HYDIN: variants seen among roughly 807,000 people sequenced by gnomAD.
HYDIN encodes axonemal central pair apparatus protein HYDIN.
HYDIN carries 132 observed loss-of-function variants against 403.9 expected under a neutral mutation model. The ratio of observed to expected loss-of-function variants is 0.33; its 90% CI spans 0.28 to 0.38. HYDIN has a LOEUF of 0.38. HYDIN is among the 10% of genes least tolerant of loss of function. The pLI is 1.00. For synonymous variants in HYDIN, 1,202 were observed against 1,891.7 expected, an observed-to-expected ratio of 0.64 and a Z score of 9.46; for missense variants, 2,827 against 5,009.5, an observed-to-expected ratio of 0.56 and a Z score of 13.15.
Position 70,955,600 on chromosome 16 carries a change from C to G in HYDIN, c.6143-52G>C, listed in dbSNP as rs980262855. 1.0e-5 allele frequency: 8 copies of G among 780,426 alleles called. No individual in the cohort carries two copies. The African/African-American group carries it at 1.0e-4, about 10-fold the overall frequency. 48.3% of individuals were successfully genotyped at this position (780,426 alleles called of 1,614,324 possible). On this transcript the variant is annotated intron_variant, in intron 39 of 85. Transcript: ENST00000393567. ...TTCACGGTGCTCATTTGCTCAGTGT[C>G]CCAGAGAGAAAAGGTCTCAAGAGCA...
intron 50 of HYDIN, among the ~76,000 whole-genome samples, chr16:70,904,434 C>T (rs13330263): frequency 0.028 from 3,351 of 118,518 alleles, 88 homozygotes; most frequent in African/African-American, 0.096. Flanking sequence ...TAGATCTATC[C>T]TTACACCTGC....
At chr16:70,813,414 T>A (rs536186740) in intron 84 of HYDIN, among the ~76,000 whole-genome samples, 1 of 152,258 alleles carries the variant, frequency 6.6e-6, no homozygotes, top group East Asian at 1.9e-4. Flanking sequence ...AGCAACCACA[T>A]GAGTGAGTCT....
rs2035127626 is a variant in HYDIN at position 70,806,826 on chromosome 16, AG to A, written c.*753del. ...CACCCCTCTCCAGACCAATTACATCAGATGGGGACTGGGCACGTTCAGAGTG... is the reference window on the plus strand; with the variant it reads ...CACCCCTCTCCAGACCAATTACATCAATGGGGACTGGGCACGTTCAGAGTG... On this transcript the variant is annotated 3_prime_UTR_variant, in exon 86 of 86. Coordinates refer to ENST00000393567, the MANE Select transcript of HYDIN (RefSeq NM_001270974.2). Among the ~76,000 whole-genome samples, 2 of 152,218 alleles carry A rather than the reference AG, an allele frequency of 1.3e-5. No individual in the cohort carries two copies. The highest frequency in any genetic ancestry group is 2.9e-5 in the Non-Finnish European group (2 of 68,050).
chr16:71,064,950 C>T, intron 15 of HYDIN, 110 bp from the exon 16 acceptor site: 1 of 1,040,628 alleles, frequency 9.6e-7, no homozygotes. Context: ...TAGTTTTTCT[C>T]TAATAACCAC....
chr16:70,943,126 C>T (rs2077734688), intron 42 of HYDIN, among the ~76,000 whole-genome samples: 1 of 152,122 alleles, frequency 6.6e-6, no homozygotes, highest in Non-Finnish European at 1.5e-5. Flanking sequence ...AGCAATGTAG[C>T]TGTGTCTGCA....
chr16:70,851,203 CAAAAAAAAAA>C (rs4028101), intron 73 of HYDIN, among the ~76,000 whole-genome samples: 4 of 22,166 alleles, frequency 1.8e-4, no homozygotes, highest in South Asian at 1.6e-3. Flanking sequence ...ATCAATCCTG[CAAAAAAAAAA>C]AAAAAAAAAA....
chr16:71,063,188 G>C (rs1468002078), intron 16 of HYDIN, among the ~76,000 whole-genome samples: 1 of 152,084 alleles, frequency 6.6e-6, no homozygotes, highest in Non-Finnish European at 1.5e-5. Flanking sequence ...CCATTTCTCA[G>C]AGCCTCTGCT....
intron 71 of HYDIN, 115 bp from the exon 72 acceptor site, chr16:70,857,985 C>T (rs1418561779): frequency 2.3e-5 from 27 of 1,193,718 alleles, no homozygotes; most frequent in Non-Finnish European, 3.1e-5. Flanking sequence ...CAGGCTATTG[C>T]TACCTTTCTA....
At chr16:71,222,633 G>C (rs926114945) in intron 1 of HYDIN, among the ~76,000 whole-genome samples, 6 of 152,078 alleles carry the variant, frequency 3.9e-5, no homozygotes, top group Non-Finnish European at 7.4e-5. Flanking sequence ...ATTCAGTAAA[G>C]TCTGAGGTTA....
Position 71,067,825 on chromosome 16 carries a change from T to C in HYDIN, c.1975-435A>G, listed in dbSNP as rs561912353. On this transcript the variant is annotated intron_variant, in intron 14 of 85. Transcript: ENST00000393567. ...AGTAAAATAAATGGAAATAACCATG[T>C]CAGTTCCAGAAAATGGTGTAAGAAA... is the stretch of plus-strand genomic sequence containing the variant. Among the ~76,000 whole-genome samples the C allele has an allele frequency of 8.5e-5, 13 of 152,172 alleles. No individual in the cohort carries two copies. In the South Asian group the frequency reaches 2.7e-3, roughly 32 times the overall value.
intron 18 of HYDIN, among the ~76,000 whole-genome samples, chr16:71,041,432 G>A (rs1256093790): frequency 1.3e-5 from 2 of 152,238 alleles, no homozygotes; most frequent in African/African-American, 4.8e-5. Flanking sequence ...TAAGACACAA[G>A]CATTGCTTAT....
chr16:71,197,793 G>A (rs1008936750), intron 1 of HYDIN, among the ~76,000 whole-genome samples: 2 of 152,128 alleles, frequency 1.3e-5, no homozygotes, highest in African/African-American at 4.8e-5. Context: ...ACCCACCCCG[G>A]CTGGAGTGCA....
intron 18 of HYDIN, among the ~76,000 whole-genome samples, chr16:71,032,449 T>C (rs2080949882): frequency 6.6e-6 from 1 of 151,876 alleles, no homozygotes; most frequent in African/African-American, 2.4e-5. Context: ...TAATAATTAA[T>C]AATTAGCCTC....
chr16:70,949,580 A>C (rs187302710), intron 41 of HYDIN, among the ~76,000 whole-genome samples: 34 of 152,318 alleles, frequency 2.2e-4, no homozygotes, highest in African/African-American at 7.7e-4. Context: ...TCATTATGTA[A>C]TATACTTACA....
chr16:71,157,920 G>A (rs1011791472), intron 6 of HYDIN, among the ~76,000 whole-genome samples: 10 of 146,662 alleles, frequency 6.8e-5, no homozygotes, highest in South Asian at 2.3e-4. Flanking sequence ...AGTTAGAACC[G>A]TGGCAGGCCA....
At position 70,908,297 on chromosome 16, in the gene HYDIN, T is replaced by C. The variant is rs1187766460; in HGVS notation, c.8351A>G (p.Tyr2784Cys). The C allele has an allele frequency of 3.5e-5, 49 of 1,381,314 alleles. 1 individual carries two copies. In the Admixed American group the frequency reaches 9.1e-4, roughly 26 times the overall value. 85.6% of individuals were successfully genotyped at this position (1,381,314 alleles called of 1,614,324 possible). The change falls in exon 49 of 86, where the codon TAC (tyrosine) becomes TGC (cysteine). Residue 2784 changes from tyrosine to cysteine, a missense_variant. Tyr to Cys is a radical substitution (Grantham distance 194). Transcript: ENST00000393567. Reference sequence around the variant, plus strand: ...TGGGTAAGTGCAGATGCCTCGGCAGTAGAGCTGGTACTGGCAGCAAGTTCC... The same window carrying C: ...TGGGTAAGTGCAGATGCCTCGGCAGCAGAGCTGGTACTGGCAGCAAGTTCC... ...ILGTCCQYQL[Y>C]CRGICTYPYI...
intron 76 of HYDIN, among the ~76,000 whole-genome samples, chr16:70,838,477 G>A (rs567097792): frequency 2.6e-5 from 4 of 152,192 alleles, no homozygotes; most frequent in Non-Finnish European, 2.9e-5. Flanking sequence ...AGGCCACCGC[G>A]CCCAGCCTGA....
intron 9 of HYDIN, among the ~76,000 whole-genome samples, chr16:71,120,681 T>C (rs189650462): frequency 3.3e-4 from 50 of 152,110 alleles, no homozygotes; most frequent in African/African-American, 1.1e-3. Flanking sequence ...ATTACCCCTC[T>C]ACCTCCTTTC....
At position 70,839,880 on chromosome 16, in the gene HYDIN, G is replaced by A. The variant is rs113929864; in HGVS notation, c.13043+184C>T. Among the ~76,000 whole-genome samples the A allele has an allele frequency of 2.7e-5, 4 of 146,876 alleles. No homozygotes were observed. In the East Asian group the frequency reaches 6.1e-4, roughly 22 times the overall value. On this transcript the variant is annotated intron_variant, in intron 76 of 85. Coordinates refer to ENST00000393567, the MANE Select transcript of HYDIN (RefSeq NM_001270974.2). ...AAGAGGATTTTTAGCAGGGTAGCTC[G>A]TGGCTATCCAAGTATTAGTGTTAGT...
Sources: gnomAD v4.1 joint callset for allele counts (sites outside exome capture counted in the v4.1 genomes callset) on GRCh38, gnomAD v4.1.1 for gene constraint, MANE v1.5 for transcripts, NCBI Gene and HGNC (gene_info 2026-07-23, HGNC 2026-07-21) for gene names.